Variants in MAP7D1 observed in about 807,000 individuals in gnomAD.
MAP7D1 encodes the protein MAP7 domain-containing protein 1.
MAP7D1 carries 30 observed loss-of-function variants against 97.5 expected under a neutral mutation model. That is an observed-to-expected ratio of 0.31 (90% CI 0.23 to 0.42). The LOEUF is 0.42. MAP7D1 is among the 10% of genes least tolerant of loss of function. MAP7D1 has a pLI of 1.00. For missense variants in MAP7D1, 1,184 were observed against 1,179.5 expected (o/e 1.00, Z -0.06); for synonymous variants, 536 against 477.1 (o/e 1.12, Z -1.61).
chr1:36,172,901 TG>T (rs1478491568), intron 4 of MAP7D1, among the ~76,000 whole-genome samples: 1 of 152,256 alleles, frequency 6.6e-6, no homozygotes, highest in African/African-American at 2.4e-5. Context: ...TCTGTATGTA[TG>T]CAGGTATGCA....
At chr1:36,165,443 AT>A (rs1173688362) in intron 1 of MAP7D1, among the ~76,000 whole-genome samples, 1 of 145,878 alleles carries the variant, frequency 6.9e-6, no homozygotes, top group Non-Finnish European at 1.5e-5. Flanking sequence ...TTTATTTAAA[AT>A]TTTTCTTTTT....
intron 1 of MAP7D1, among the ~76,000 whole-genome samples, chr1:36,165,622 G>T (rs1264399076): frequency 1.3e-5 from 2 of 151,476 alleles, no homozygotes; most frequent in South Asian, 4.2e-4. Flanking sequence ...TCACTATGTT[G>T]TCCAGGCTGA....
chr1:36,164,159 A>G (rs1173811061), intron 1 of MAP7D1, among the ~76,000 whole-genome samples: 1 of 152,118 alleles, frequency 6.6e-6, no homozygotes, highest in Non-Finnish European at 1.5e-5. Context: ...AATCTTCTAT[A>G]TGCTTTAGGC....
Position 36,178,057 on chromosome 1 carries a change from G to A in MAP7D1, c.1564G>A (p.Gly522Arg), listed in dbSNP as rs191169069. Residue 522 changes from glycine (G) to arginine (R), a missense_variant, in exon 9 of 17, where the codon GGG becomes AGG. By Grantham distance (125) the Gly-to-Arg change is moderately radical (BLOSUM62 -2). Transcript: ENST00000474796. Reference protein sequence around the residue: ...EEAKESPSAAGPEDKSQSKRR... With the variant: ...EEAKESPSAARPEDKSQSKRR... ...GGCAAAGGAGAGCCCCAGCGCCGCA[G>A]GGCCCGAGGACAAGAGCCAGAGCAA... 16 of 1,612,218 alleles carry A rather than the reference G, an allele frequency of 9.9e-6. No homozygotes were observed. In the East Asian group the frequency reaches 2.9e-4, roughly 29 times the overall value.
chr1:36,179,572 C>T lies in MAP7D1; in HGVS notation c.2227+15C>T, dbSNP rs748916156. On this transcript the variant is annotated intron_variant, in intron 14 of 16. Transcript: ENST00000474796. ...TTCCAGCCCAGGTAAAGCCCCCATTCCTCTCGCCTCCCTTCCCTTTGCCAT... is the reference window on the plus strand; with the variant it reads ...TTCCAGCCCAGGTAAAGCCCCCATTTCTCTCGCCTCCCTTCCCTTTGCCAT... 2 of 1,559,510 alleles carry T rather than the reference C, an allele frequency of 1.3e-6. No homozygotes were observed. The highest frequency in any genetic ancestry group is 1.2e-5 in the South Asian group (1 of 84,758).
At chr1:36,179,185 G>C (rs773671191) in intron 12 of MAP7D1, 77 bp from the exon 13 acceptor site, 25 of 1,566,404 alleles carry the variant, frequency 1.6e-5, no homozygotes, top group Non-Finnish European at 2.1e-5. Context: ...CTAAGACTCC[G>C]AGGCCGGGTC....
chr1:36,176,652 G>A lies in MAP7D1; in HGVS notation c.1234-45G>A, dbSNP rs1225568364. 4 of 1,591,788 alleles carry A rather than the reference G, an allele frequency of 2.5e-6. No homozygotes were observed. Among genetic ancestry groups the A allele is most frequent in the Middle Eastern group, 1.7e-4 (1 of 5,948 alleles). ...CAGCCTGGAACTGGGGTACGCGGGC[G>A]CTGCTGACCTCTACTCTCCTCTTCC... On this transcript the variant is annotated intron_variant, in intron 7 of 16. Transcript: ENST00000474796. This position sits in a 1 kb window ranked among gnomAD's most constrained non-coding sequence, Gnocchi z 6.1.
In MAP7D1 at chr1:36,159,957, A is replaced by G. The variant is rs926978449; in HGVS notation, c.46+3494A>G. Among the ~76,000 whole-genome samples the G allele has an allele frequency of 6.6e-6, 1 of 152,200 alleles. No homozygotes were observed. Among genetic ancestry groups the G allele is most frequent in the Admixed American group, 6.5e-5 (1 of 15,282 alleles). On this transcript the variant is annotated intron_variant, in intron 1 of 16. Coordinates refer to ENST00000474796, the MANE Select transcript of MAP7D1 (RefSeq NM_001388490.1). The surrounding 1 kb of genome is among the most constrained non-coding windows in gnomAD (Gnocchi z 5.4). Reference sequence around the variant, plus strand: ...GAGCCCCTAATGTGCAGTCACGCATATGCAAATGAGGTGGAAGGGATACTA... The same window carrying G: ...GAGCCCCTAATGTGCAGTCACGCATGTGCAAATGAGGTGGAAGGGATACTA...
At chr1:36,157,637 C>T (rs1475390476) in intron 1 of MAP7D1, among the ~76,000 whole-genome samples, 2 of 152,206 alleles carry the variant, frequency 1.3e-5, no homozygotes, top group Non-Finnish European at 2.9e-5. Flanking sequence ...CCCATCCCCA[C>T]ACCCCCATGG....
chr1:36,174,125 T>C (rs1313457459), intron 5 of MAP7D1, among the ~76,000 whole-genome samples: 1 of 152,208 alleles, frequency 6.6e-6, no homozygotes, highest in Non-Finnish European at 1.5e-5. Context: ...GAAGTCTCAC[T>C]TTCTTCATCT....
In MAP7D1 at chr1:36,158,186, T is replaced by A. The variant is rs77566860; in HGVS notation, c.46+1723T>A. ...CGGGGAGGGCTGCGTCAGGGGCCGG[T>A]GGGCAGACTGCATATAGGCTTCTTG... On this transcript the variant is annotated intron_variant, in intron 1 of 16. Coordinates refer to ENST00000474796, the MANE Select transcript of MAP7D1 (RefSeq NM_001388490.1). Among the ~76,000 whole-genome samples the A allele has an allele frequency of 3.3e-3, 508 of 152,008 alleles. 3 individuals are homozygous for A. The highest frequency in any genetic ancestry group is 0.012 in the African/African-American group (480 of 41,432).
chr1:36,171,287 A>G lies in MAP7D1; in HGVS notation c.363A>G (p.Pro121=). ...GCCAGCCATCTCCAACAGCAGTGCC[A>G]GCCTCCGACAGCCCTCCCACCAAGC... ...RSSQPSPTAV[P]ASDSPPTKQE... The change falls in exon 2 of 17, where the codon CCA becomes CCG. Residue 121 remains proline, a synonymous_variant. Coordinates refer to ENST00000474796, the MANE Select transcript of MAP7D1 (RefSeq NM_001388490.1). 6.4e-7 allele frequency: 1 copy of G among 1,570,574 alleles called. No individual in the cohort carries two copies. Among genetic ancestry groups the G allele is most frequent in the South Asian group, 1.2e-5 (1 of 84,410 alleles).
Position 36,179,100 on chromosome 1 carries a change from A to G in MAP7D1, c.2130+75A>G. 2.6e-6 allele frequency: 4 copies of G among 1,517,506 alleles called. No homozygotes were observed. In the South Asian group the frequency reaches 3.6e-5, roughly 14 times the overall value. The allele number at this position is 1,517,506 out of a possible 1,614,324, so 94.0% of individuals were successfully genotyped here. A position where few individuals can be genotyped will look rare whatever the true frequency, so the allele number is the denominator to read the frequency against. On this transcript the variant is annotated intron_variant, in intron 12 of 16. Transcript: ENST00000474796. ...CCAGGTGGGCGGGGCCTGGGCTTAGAGCGGACAGGACGGGAAAGCGCTGGG... is the reference window on the plus strand; with the variant it reads ...CCAGGTGGGCGGGGCCTGGGCTTAGGGCGGACAGGACGGGAAAGCGCTGGG...
Position 36,171,543 on chromosome 1 carries a change from T to C in MAP7D1, c.422T>C (p.Leu141Pro). Residue 141 changes from leucine (L) to proline (P), a missense_variant, in exon 3 of 17, where the codon CTG (leucine) becomes CCG (proline). Leu to Pro is a moderately conservative substitution (Grantham distance 98). Coordinates refer to ENST00000474796, the MANE Select transcript of MAP7D1 (RefSeq NM_001388490.1). ...EVKKAGERHKLAKERREERAK... is the reference protein window; with the variant it reads ...EVKKAGERHKPAKERREERAK... ...AAGAAGGCAGGAGAGAGACACAAGC[T>C]GGCAAAGGAGCGGCGAGAAGAGCGG... The C allele has an allele frequency of 6.2e-7, 1 of 1,614,164 alleles. No individual in the cohort carries two copies. The highest frequency in any genetic ancestry group is 8.5e-7 in the Non-Finnish European group (1 of 1,180,010).
intron 1 of MAP7D1, among the ~76,000 whole-genome samples, chr1:36,163,660 GC>G (rs1644439053): frequency 6.6e-6 from 1 of 152,112 alleles, no homozygotes; most frequent in Admixed American, 6.5e-5. Context: ...TTCTTGTTGA[GC>G]TGCTGGAGTA....
In MAP7D1 at chr1:36,178,122, C is replaced by T; in HGVS notation, c.1629C>T (p.Ala543=). 6.3e-7 allele frequency: 1 copy of T among 1,593,712 alleles called. No homozygotes were observed. The highest frequency in any genetic ancestry group is 8.5e-7 in the Non-Finnish European group (1 of 1,171,130). ...ACGAGAAGGAGTCAGCAGCCCCAGC[C>T]TCACCGGCACCTTCGCCGGCGCCCT... ...ASNEKESAAP[A]SPAPSPAPSP... is the part of the protein sequence containing the mutation. The change falls in exon 9 of 17, where the codon GCC becomes GCT. Residue 543 remains alanine, a synonymous_variant. Coordinates refer to ENST00000474796, the MANE Select transcript of MAP7D1 (RefSeq NM_001388490.1).
chr1:36,165,163 G>T lies in MAP7D1; in HGVS notation c.47-5808G>T, dbSNP rs1015491713. Among the ~76,000 whole-genome samples, 7 of 152,124 alleles carry T rather than the reference G, an allele frequency of 4.6e-5. No homozygotes were observed. In the East Asian group the frequency reaches 1.3e-3, roughly 29 times the overall value. ...TTCTGAGACAGCATCTTACTCTGTT[G>T]CCCAAGCTGGTATACAGTGGTATAA... On this transcript the variant is annotated intron_variant, in intron 1 of 16. Coordinates refer to ENST00000474796, the MANE Select transcript of MAP7D1 (RefSeq NM_001388490.1).
chr1:36,165,793 C>T (rs573283508), intron 1 of MAP7D1, among the ~76,000 whole-genome samples: 1 of 146,784 alleles, frequency 6.8e-6, no homozygotes, highest in Non-Finnish European at 1.5e-5. Context: ...TGCAGTGGCA[C>T]GATCTTGGCT....
intron 6 of MAP7D1, among the ~76,000 whole-genome samples, chr1:36,175,665 C>T (rs1003375990): frequency 6.6e-6 from 1 of 152,210 alleles, no homozygotes; most frequent in Non-Finnish European, 1.5e-5. Flanking sequence ...CCCCACCTGA[C>T]TGAGGCTTAA....
Sources: allele counts gnomAD v4.1 joint callset (sites outside exome capture counted in the v4.1 genomes callset), GRCh38; gene constraint gnomAD v4.1.1; non-coding constraint Gnocchi (gnomAD v3.1); transcripts MANE v1.5; gene names NCBI Gene and HGNC (gene_info 2026-07-23, HGNC 2026-07-21).